Variants in ZNF385D observed in about 807,000 individuals in gnomAD.
The protein encoded by ZNF385D is zinc finger protein 385D.
ZNF385D carries 15 observed loss-of-function variants against 35.8 expected under a neutral mutation model. The observed-to-expected ratio is 0.42, with a 90% CI of 0.28 to 0.64. ZNF385D has a LOEUF of 0.64. Ranked by LOEUF, ZNF385D falls within the 30% of genes least tolerant of loss-of-function variation. The pLI is 0.23. For missense variants in ZNF385D, 474 were observed against 494.6 expected (o/e 0.96, Z 0.39); for synonymous variants, 212 against 186.8 (o/e 1.13, Z -1.10).
chr3:22,101,677 C>G (rs1376151196), intron 3 of ZNF385D, among the ~76,000 whole-genome samples: 2 of 150,048 alleles, frequency 1.3e-5, no homozygotes, highest in African/African-American at 5.0e-5. Flanking sequence ...CGTTTTGCAA[C>G]AGTTCAGCTA....
chr3:21,448,428 A>T (rs1213097422), intron 4 of ZNF385D, among the ~76,000 whole-genome samples: 1 of 152,178 alleles, frequency 6.6e-6, no homozygotes, highest in Non-Finnish European at 1.5e-5. Context: ...GAAGGAAGAA[A>T]AATGGGGGTC....
intron 3 of ZNF385D, among the ~76,000 whole-genome samples, chr3:21,835,006 G>A (rs968863491): frequency 6.6e-6 from 1 of 151,986 alleles, no homozygotes; most frequent in Non-Finnish European, 1.5e-5. Context: ...TAACAGTGTG[G>A]AAATTGACTA....
chr3:21,717,801 G>A (rs1379865290), intron 1 of ZNF385D, among the ~76,000 whole-genome samples: 2 of 152,070 alleles, frequency 1.3e-5, no homozygotes, highest in East Asian at 3.9e-4. Flanking sequence ...ATGATTGTGA[G>A]GCCTTTCTAG....
chr3:22,237,746 C>T (rs760165397), intron 2 of ZNF385D, among the ~76,000 whole-genome samples: 50 of 152,050 alleles, frequency 3.3e-4, no homozygotes, highest in Admixed American at 3.2e-3. Context: ...CAGGTTCAAG[C>T]GATTCTCCTG....
intron 3 of ZNF385D, among the ~76,000 whole-genome samples, chr3:21,813,122 A>G (rs2073004611): frequency 6.6e-6 from 1 of 152,240 alleles, no homozygotes. Context: ...ACAGACCTGC[A>G]GCTGAGGGTC....
chr3:21,703,872 T>A (rs1224236321), intron 1 of ZNF385D, among the ~76,000 whole-genome samples: 1 of 152,178 alleles, frequency 6.6e-6, no homozygotes, highest in Non-Finnish European at 1.5e-5. Flanking sequence ...TCTCACCACT[T>A]TCTTCCCTAC....
intron 3 of ZNF385D, among the ~76,000 whole-genome samples, chr3:22,031,606 A>C (rs2125481907): frequency 6.6e-6 from 1 of 152,246 alleles, no homozygotes; most frequent in Non-Finnish European, 1.5e-5. Context: ...GGCCTACAAA[A>C]CCATTTTTTC....
chr3:21,475,029 A>T (rs944060699), intron 4 of ZNF385D, among the ~76,000 whole-genome samples: 4 of 152,008 alleles, frequency 2.6e-5, no homozygotes, highest in Non-Finnish European at 5.9e-5. Flanking sequence ...TTTTTCATAT[A>T]GTTTATAGAG....
intron 3 of ZNF385D, among the ~76,000 whole-genome samples, chr3:22,015,965 T>C (rs934552821): frequency 6.6e-6 from 1 of 152,116 alleles, no homozygotes; most frequent in African/African-American, 2.4e-5. Context: ...TTTTATCCTT[T>C]TGGGTACAAA....
At chr3:21,486,959 C>A (rs571194224) in intron 4 of ZNF385D, among the ~76,000 whole-genome samples, 1 of 152,022 alleles carries the variant, frequency 6.6e-6, no homozygotes, top group African/African-American at 2.4e-5. Context: ...AACTTCTATT[C>A]TACTGGAAGT....
rs145564735 is a variant in ZNF385D, at chr3:21,949,605, G to A, written c.325+219212C>T. Among the ~76,000 whole-genome samples, 80 of 140,426 alleles carry A rather than the reference G, an allele frequency of 5.7e-4. No homozygotes were observed. In the Middle Eastern group the frequency reaches 0.012, roughly 21 times the overall value. 92.1% of individuals were successfully genotyped at this position (140,426 alleles called of 152,430 possible). A position where few individuals can be genotyped will look rare whatever the true frequency, so the allele number is the denominator to read the frequency against. The stretch of plus-strand genomic sequence containing the variant: ...AAGTTCTGGGATACATGCACAGAAC[G>A]TGCAGGTTTGTTACATAGGTATACA... On this transcript the variant is annotated intron_variant, in intron 3 of 5. Transcript: ENST00000494108.
chr3:22,163,142 G>T (rs959300643), intron 3 of ZNF385D, among the ~76,000 whole-genome samples: 6 of 152,076 alleles, frequency 3.9e-5, no homozygotes, highest in African/African-American at 1.4e-4. Context: ...GAGAAGGAAC[G>T]AGCTCAGAGG....
intron 3 of ZNF385D, among the ~76,000 whole-genome samples, chr3:21,911,394 G>A (rs1699954959): frequency 6.6e-6 from 1 of 151,922 alleles, no homozygotes; most frequent in Admixed American, 6.6e-5. Context: ...TGCCCACTGT[G>A]ACAAGGTCAT....
intron 2 of ZNF385D, among the ~76,000 whole-genome samples, chr3:22,253,796 G>A (rs1700177807): frequency 6.6e-6 from 1 of 151,518 alleles, no homozygotes; most frequent in South Asian, 2.1e-4. Context: ...ATTAGTACAA[G>A]AGTAGCCAAA....
rs1303624924 is a variant in ZNF385D, at chr3:21,419,828, A to C, written c.*1386T>G. 6.6e-6 allele frequency: 1 copy of C among 151,890 alleles called. No individual in the cohort carries two copies. Among genetic ancestry groups the C allele is most frequent in the East Asian group, 1.9e-4 (1 of 5,200 alleles). 9.4% of individuals were successfully genotyped at this position (151,890 alleles called of 1,614,324 possible). ...TATAGATTTTTTCTTTTTATAACTT[A>C]TTCTCTTAATCTTTCTAACATATAT... On this transcript the variant is annotated 3_prime_UTR_variant, in exon 8 of 8. Coordinates refer to ENST00000281523, the MANE Select transcript of ZNF385D (RefSeq NM_024697.3).
chr3:21,731,941 C>T (rs2069017473), intron 1 of ZNF385D, among the ~76,000 whole-genome samples: 1 of 149,378 alleles, frequency 6.7e-6, no homozygotes. Flanking sequence ...ACAGTAAATC[C>T]ATTTATCTAC....
At chr3:21,653,952 CATGGTACAT>C (rs1249845155) in intron 2 of ZNF385D, among the ~76,000 whole-genome samples, 5 of 151,954 alleles carry the variant, frequency 3.3e-5, no homozygotes, top group African/African-American at 1.2e-4. Flanking sequence ...GAAGCATTAA[CATGGTACAT>C]ATGTACAGAT....
intron 2 of ZNF385D, among the ~76,000 whole-genome samples, chr3:22,208,411 G>A (rs1001032526): frequency 2.0e-5 from 3 of 151,636 alleles, no homozygotes; most frequent in African/African-American, 4.8e-5. Context: ...CATGAACATA[G>A]AGAGTGGAAA....
chr3:22,186,062 C>T (rs746363553), intron 2 of ZNF385D, among the ~76,000 whole-genome samples: 1 of 152,108 alleles, frequency 6.6e-6, no homozygotes, highest in African/African-American at 2.4e-5. Flanking sequence ...TGGACAAACA[C>T]TCACACACTC....
Sources: gnomAD v4.1 joint callset for allele counts (sites outside exome capture counted in the v4.1 genomes callset) on GRCh38, gnomAD v4.1.1 for gene constraint, MANE v1.5 for transcripts, NCBI Gene and HGNC (gene_info 2026-07-23, HGNC 2026-07-21) for gene names.